Variants in ZC2HC1A observed in about 807,000 individuals in gnomAD.
ZC2HC1A encodes zinc finger C2HC-type containing 1A.
Under a neutral mutation model 40.7 loss-of-function variants are expected in ZC2HC1A, and 28 were observed. That is an observed-to-expected ratio of 0.69 (90% CI 0.51 to 0.94). ZC2HC1A has a LOEUF of 0.94. Ranked by LOEUF, ZC2HC1A falls within the 40% of genes least tolerant of loss-of-function variation. The pLI is 0.00. For synonymous variants in ZC2HC1A, 129 were observed against 129.2 expected (o/e 1.00, Z 0.01); for missense variants, 389 against 386.3 (o/e 1.01, Z -0.06).
chr8:78,673,465 G>T (rs907313702), intron 1 of ZC2HC1A, among the ~76,000 whole-genome samples: 1 of 152,108 alleles, frequency 6.6e-6, no homozygotes, highest in Non-Finnish European at 1.5e-5. Context: ...GGTATTTCTG[G>T]TTCTAGATCC....
intron 7 of ZC2HC1A, chr8:78,712,009 C>T (rs1229864822): frequency 1.6e-6 from 2 of 1,289,374 alleles, no homozygotes; most frequent in Non-Finnish European, 2.0e-6. Flanking sequence ...CAAGTTAGGC[C>T]CTCCACTTCG....
intron 5 of ZC2HC1A, among the ~76,000 whole-genome samples, chr8:78,690,039 A>T (rs1416698065): frequency 1.3e-5 from 2 of 152,154 alleles, no homozygotes; most frequent in Non-Finnish European, 2.9e-5. Flanking sequence ...TTGTTTTAGC[A>T]CGATTTGTTT....
chr8:78,677,431 T>G (rs890620193), intron 2 of ZC2HC1A, among the ~76,000 whole-genome samples: 4 of 152,052 alleles, frequency 2.6e-5, no homozygotes, highest in South Asian at 2.1e-4. Flanking sequence ...CTGCAAAGTT[T>G]GAGTTCCAGA....
At chr8:78,698,663 T>C (rs781209540) in intron 7 of ZC2HC1A, 150 bp downstream of exon 7, 4 of 473,084 alleles carry the variant, frequency 8.5e-6, no homozygotes, top group Non-Finnish European at 1.4e-5. Flanking sequence ...CACTCACTGC[T>C]GTTGAGTATC....
intron 7 of ZC2HC1A, among the ~76,000 whole-genome samples, chr8:78,702,218 A>G (rs1304820507): frequency 6.6e-6 from 1 of 152,078 alleles, no homozygotes; most frequent in Non-Finnish European, 1.5e-5. Flanking sequence ...GGTGTCCAGG[A>G]ATTTATCCAT....
chr8:78,711,581 C>T (rs894722020), intron 7 of ZC2HC1A, among the ~76,000 whole-genome samples: 1 of 151,808 alleles, frequency 6.6e-6, no homozygotes, highest in Non-Finnish European at 1.5e-5. Flanking sequence ...TTAAAAAGCA[C>T]GGAAATAAAT....
intron 5 of ZC2HC1A, among the ~76,000 whole-genome samples, chr8:78,694,288 T>TG (rs1810324441): frequency 6.2e-5 from 1 of 16,010 alleles, no homozygotes; most frequent in African/African-American, 1.1e-4. Flanking sequence ...TGTTCCTTGT[T>TG]TTTTTTTTTT....
intron 1 of ZC2HC1A, among the ~76,000 whole-genome samples, chr8:78,674,238 A>G (rs958503769): frequency 2.0e-5 from 3 of 152,102 alleles, no homozygotes; most frequent in African/African-American, 4.8e-5. Flanking sequence ...GTCAATAGTT[A>G]ATTTTTATAA....
At position 78,698,518 on chromosome 8, in the gene ZC2HC1A, G is replaced by GT. The variant is rs758451975; in HGVS notation, c.704+6dup. ...GATAGCAGCCCCTCATGCAGGGTAA[G>GT]TCTACACTGGATATAATTATTAGTG... is the stretch of plus-strand genomic sequence containing the variant. On this transcript the variant is annotated splice_donor_region_variant and intron_variant, in intron 7 of 8. Transcript: ENST00000263849. 28 of 1,571,964 alleles carry GT rather than the reference G, an allele frequency of 1.8e-5. No homozygotes were observed. The South Asian group carries it at 3.0e-4, about 17-fold the overall frequency.
chr8:78,713,239 G>C (rs74537922), intron 7 of ZC2HC1A, among the ~76,000 whole-genome samples: 1,763 of 152,036 alleles, frequency 0.012, 13 homozygotes, highest in Middle Eastern at 0.027. Flanking sequence ...TGTAAGACTG[G>C]GGCAAGATGT....
intron 3 of ZC2HC1A, among the ~76,000 whole-genome samples, chr8:78,682,134 CAAT>C (rs1339714174): frequency 6.6e-6 from 1 of 152,016 alleles, no homozygotes; most frequent in Non-Finnish European, 1.5e-5. Context: ...TTGGGTATCT[CAAT>C]AATATTACAA....
intron 4 of ZC2HC1A, among the ~76,000 whole-genome samples, chr8:78,687,994 T>A (rs992726600): frequency 1.4e-5 from 2 of 146,260 alleles, no homozygotes; most frequent in Admixed American, 1.4e-4. Flanking sequence ...TATATATATA[T>A]AAATATAAAA....
At chr8:78,683,760 C>A (rs1016392400) in intron 3 of ZC2HC1A, among the ~76,000 whole-genome samples, 1 of 152,194 alleles carries the variant, frequency 6.6e-6, no homozygotes, top group Non-Finnish European at 1.5e-5. Context: ...TCTGTTACAT[C>A]ATTAGGCTGC....
intron 8 of ZC2HC1A, 98 bp from the exon 9 acceptor site, chr8:78,717,230 C>G (rs958341488): frequency 4.0e-5 from 43 of 1,065,884 alleles, no homozygotes; most frequent in Non-Finnish European, 4.8e-5. Context: ...CGAGATTAAG[C>G]AGGCTAATTG....
intron 1 of ZC2HC1A, among the ~76,000 whole-genome samples, chr8:78,669,784 T>C (rs1171269438): frequency 6.6e-6 from 1 of 152,120 alleles, no homozygotes; most frequent in African/African-American, 2.4e-5. Context: ...CCATGTAACA[T>C]TTTATATATT....
intron 1 of ZC2HC1A, among the ~76,000 whole-genome samples, chr8:78,672,744 C>T (rs1397864197): frequency 6.6e-6 from 1 of 151,992 alleles, no homozygotes; most frequent in East Asian, 1.9e-4. Context: ...TCTTTTTGCC[C>T]ACTGGTAACT....
intron 1 of ZC2HC1A, among the ~76,000 whole-genome samples, chr8:78,669,755 AC>A (rs1222967894): frequency 1.3e-5 from 2 of 152,022 alleles, no homozygotes; most frequent in East Asian, 3.9e-4. Flanking sequence ...ACTTTGTTCT[AC>A]CTTCATTGTG....
At chr8:78,699,381 G>T (rs2130552770) in intron 7 of ZC2HC1A, among the ~76,000 whole-genome samples, 1 of 152,128 alleles carries the variant, frequency 6.6e-6, no homozygotes, top group African/African-American at 2.4e-5. Context: ...ATTACCACAG[G>T]ACCATTAGAA....
chr8:78,714,514 A>G (rs1356696039), intron 7 of ZC2HC1A, among the ~76,000 whole-genome samples: 1 of 152,168 alleles, frequency 6.6e-6, no homozygotes, highest in Non-Finnish European at 1.5e-5. Context: ...TGCTGTCACA[A>G]AGCTGTCAGT....
Sources: allele counts gnomAD v4.1 joint callset (sites outside exome capture counted in the v4.1 genomes callset), GRCh38; gene constraint gnomAD v4.1.1; transcripts MANE v1.5; gene names NCBI Gene and HGNC (gene_info 2026-07-23, HGNC 2026-07-21).